Variants in MYT1L observed in about 807,000 individuals in gnomAD.
The protein encoded by MYT1L is myelin transcription factor 1-like protein.
MYT1L carries 12 observed loss-of-function variants against 126.7 expected under a neutral mutation model. That is an observed-to-expected ratio of 0.09 (90% confidence interval 0.06 to 0.15). The LOEUF is 0.15. Among genes scored for constraint, MYT1L ranks in the 10% least tolerant of loss-of-function variants. MYT1L has a pLI of 1.00. For missense variants in MYT1L, 979 were observed against 1,585.2 expected, an observed-to-expected ratio of 0.62 and a Z score of 6.49; for synonymous variants, 541 against 604.2, an observed-to-expected ratio of 0.90 and a Z score of 1.53.
chr2:1,883,698 C>T (rs934754855), intron 18 of MYT1L, among the ~76,000 whole-genome samples: 6 of 152,180 alleles, frequency 3.9e-5, no homozygotes, highest in African/African-American at 1.4e-4. Context: ...AAAGCATCGA[C>T]GCGCAAAAGT....
intron 8 of MYT1L, among the ~76,000 whole-genome samples, chr2:1,956,053 C>A (rs200353003): frequency 1.9e-5 from 2 of 106,254 alleles, no homozygotes; most frequent in South Asian, 5.4e-4. Context: ...ATCTATGTAT[C>A]TATCTATCTA....
At chr2:1,893,096 G>C (rs1028401425) in intron 14 of MYT1L, among the ~76,000 whole-genome samples, 2 of 152,234 alleles carry the variant, frequency 1.3e-5, no homozygotes, top group Admixed American at 1.3e-4. Context: ...TCACTGACAC[G>C]ATTCCCACTG....
chr2:2,297,401 A>C (rs943583935), intron 1 of MYT1L, among the ~76,000 whole-genome samples: 1 of 152,224 alleles, frequency 6.6e-6, no homozygotes, highest in African/African-American at 2.4e-5. Flanking sequence ...AGCCAGGCCC[A>C]TCCCAGGCCC....
At chr2:2,168,279 G>A (rs1329660287) in intron 3 of MYT1L, among the ~76,000 whole-genome samples, 1 of 152,180 alleles carries the variant, frequency 6.6e-6, no homozygotes, top group African/African-American at 2.4e-5. Flanking sequence ...GGTGTGCATT[G>A]TGTTTCATTT....
At chr2:2,003,196 C>T (rs1232882321) in intron 4 of MYT1L, among the ~76,000 whole-genome samples, 2 of 152,156 alleles carry the variant, frequency 1.3e-5, no homozygotes, top group African/African-American at 2.4e-5. Context: ...GCCTGCTCTG[C>T]ATGGGGGGCA....
chr2:1,952,717 T>TC (rs2057888717), intron 8 of MYT1L, among the ~76,000 whole-genome samples: 1 of 7,234 alleles, frequency 1.4e-4, no homozygotes, highest in Non-Finnish European at 3.4e-4. Context: ...TTCCCTTCCC[T>TC]CCTTCCTTCC....
chr2:1,931,828 T>C (rs932676037), intron 9 of MYT1L, among the ~76,000 whole-genome samples: 1 of 152,106 alleles, frequency 6.6e-6, no homozygotes, highest in Admixed American at 6.5e-5. Flanking sequence ...TGTAAATCAA[T>C]CTACTCCGTG....
At chr2:2,278,292 A>G (rs2095396475) in intron 2 of MYT1L, among the ~76,000 whole-genome samples, 1 of 152,180 alleles carries the variant, frequency 6.6e-6, no homozygotes. Context: ...TGAAACTGAG[A>G]GGCAGAGAGG....
At position 2,090,426 on chromosome 2, in the gene MYT1L, G is replaced by A. The variant is rs182109134; in HGVS notation, c.-303-36303C>T. Among the ~76,000 whole-genome samples, 5 of 152,276 alleles carry A rather than the reference G, an allele frequency of 3.3e-5. No homozygotes were observed. In the East Asian group the frequency reaches 7.7e-4, roughly 24 times the overall value. ...GTGCAATAGCATTATGTCTAAAAATGTACATATCTTAATTTCAAATTGCTT... is the reference window on the plus strand; with the variant it reads ...GTGCAATAGCATTATGTCTAAAAATATACATATCTTAATTTCAAATTGCTT... On this transcript the variant is annotated intron_variant, in intron 3 of 24. Transcript: ENST00000647738.
chr2:2,005,500 A>ATTCT (rs2063181955), intron 4 of MYT1L, among the ~76,000 whole-genome samples: 1 of 133,666 alleles, frequency 7.5e-6, no homozygotes. Context: ...TCCTGCAGGC[A>ATTCT]TTCTTTCCTG....
At chr2:1,936,905 C>A (rs2055966400) in intron 9 of MYT1L, among the ~76,000 whole-genome samples, 1 of 152,094 alleles carries the variant, frequency 6.6e-6, no homozygotes, top group Non-Finnish European at 1.5e-5. Context: ...GGGGCTAGCA[C>A]CTCATCCTGT....
chr2:2,193,022 G>A (rs115655860), intron 2 of MYT1L, among the ~76,000 whole-genome samples: 4,134 of 152,138 alleles, frequency 0.027, 87 homozygotes, highest in Non-Finnish European at 0.042. Flanking sequence ...GAGTGCAGTG[G>A]CGCAATTTCA....
chr2:2,313,683 T>C (rs931245178), intron 1 of MYT1L, among the ~76,000 whole-genome samples: 13 of 152,282 alleles, frequency 8.5e-5, no homozygotes, highest in Middle Eastern at 3.4e-3. Context: ...CATATAATAC[T>C]GTCTTGGTCT....
chr2:1,851,767 T>C, intron 18 of MYT1L, 64 bp from the exon 19 acceptor site: 1 of 1,499,464 alleles, frequency 6.7e-7, no homozygotes, highest in South Asian at 1.1e-5. Flanking sequence ...ACAATTAACT[T>C]TTTTTTAATC....
intron 8 of MYT1L, among the ~76,000 whole-genome samples, chr2:1,970,523 A>G (rs934903408): frequency 6.6e-6 from 1 of 152,166 alleles, no homozygotes; most frequent in African/African-American, 2.4e-5. Context: ...AGAGGAGCTC[A>G]TGGTGTCCAT....
At chr2:2,264,854 A>C (rs773080634) in intron 2 of MYT1L, among the ~76,000 whole-genome samples, 8 of 152,162 alleles carry the variant, frequency 5.3e-5, no homozygotes, top group Non-Finnish European at 8.8e-5. Flanking sequence ...AACTTTTTTT[A>C]AAAGCACTTC....
chr2:2,238,283 C>A (rs1185448610), intron 2 of MYT1L, among the ~76,000 whole-genome samples: 3 of 152,084 alleles, frequency 2.0e-5, no homozygotes, highest in Non-Finnish European at 2.9e-5. Context: ...GCGCAAGGTA[C>A]CCTGCTGTCC....
At chr2:2,007,537 T>G (rs1464923389) in intron 4 of MYT1L, among the ~76,000 whole-genome samples, 1 of 152,234 alleles carries the variant, frequency 6.6e-6, no homozygotes, top group African/African-American at 2.4e-5. Context: ...AATGAGGAGT[T>G]GCTACCTGTG....
At chr2:2,289,298 G>A (rs2095565312) in intron 1 of MYT1L, among the ~76,000 whole-genome samples, 2 of 152,098 alleles carry the variant, frequency 1.3e-5, no homozygotes, top group Admixed American at 6.5e-5. Context: ...ATGTACTCAA[G>A]CTTACCTATT....
Sources: gnomAD v4.1 joint callset for allele counts (sites outside exome capture counted in the v4.1 genomes callset) on GRCh38, gnomAD v4.1.1 for gene constraint, MANE v1.5 for transcripts, NCBI Gene and HGNC (gene_info 2026-07-23, HGNC 2026-07-21) for gene names.